Variants in AGBL1 observed in about 807,000 individuals in gnomAD.
The protein encoded by AGBL1 is AGBL carboxypeptidase 1, also known as cytosolic carboxypeptidase 4.
AGBL1 carries 130 observed loss-of-function variants against 118.9 expected under a neutral mutation model. That is an observed-to-expected ratio of 1.09 (90% CI 0.95 to 1.26). AGBL1 has a LOEUF of 1.26. Among genes scored for constraint, AGBL1 ranks in the 50% most tolerant of loss-of-function variants. AGBL1 has a pLI of 0.00. For missense variants in AGBL1, 1,584 were observed against 1,298.1 expected, an observed-to-expected ratio of 1.22 and a Z score of -3.38; for synonymous variants, 555 against 478.9, an observed-to-expected ratio of 1.16 and a Z score of -2.08.
intron 5 of AGBL1, among the ~76,000 whole-genome samples, chr15:86,189,295 G>C (rs904467885): frequency 1.3e-5 from 2 of 152,172 alleles, no homozygotes; most frequent in African/African-American, 4.8e-5. Context: ...GGCCCAAGCT[G>C]GTCTGTGGTA....
At chr15:86,527,264 A>G (rs551443513) in intron 19 of AGBL1, among the ~76,000 whole-genome samples, 1 of 152,260 alleles carries the variant, frequency 6.6e-6, no homozygotes, top group South Asian at 2.1e-4. Flanking sequence ...CACACATTCA[A>G]TCCACAACAA....
At chr15:86,422,228 G>A (rs1319585190) in intron 18 of AGBL1, among the ~76,000 whole-genome samples, 2 of 152,022 alleles carry the variant, frequency 1.3e-5, no homozygotes, top group Non-Finnish European at 2.9e-5. Flanking sequence ...GCAAAAGAAT[G>A]GAAATCATAA....
intron 21 of AGBL1, among the ~76,000 whole-genome samples, chr15:86,589,078 A>C (rs1189185292): frequency 5.3e-5 from 8 of 151,940 alleles, no homozygotes; most frequent in African/African-American, 1.9e-4. Context: ...ATTTTTTTTA[A>C]ATATGAATAA....
At chr15:86,825,423 A>AAAAAAAAT (rs2078994510) in intron 22 of AGBL1, among the ~76,000 whole-genome samples, 1 of 129,072 alleles carries the variant, frequency 7.7e-6, no homozygotes, top group Non-Finnish European at 1.7e-5. Flanking sequence ...AAAAAAAAAA[A>AAAAAAAAT]GGTTGCAAGC....
intron 22 of AGBL1, among the ~76,000 whole-genome samples, chr15:86,803,842 T>C (rs963963264): frequency 1.3e-5 from 2 of 152,114 alleles, no homozygotes; most frequent in Non-Finnish European, 2.9e-5. Context: ...GGAGGATGCT[T>C]CTGGTATCTG....
chr15:86,091,852 A>G (rs1052884855), intron 1 of AGBL1, among the ~76,000 whole-genome samples: 33 of 152,078 alleles, frequency 2.2e-4, no homozygotes, highest in African/African-American at 8.0e-4. Context: ...CCATATCCCA[A>G]CTTGGTCTTG....
intron 18 of AGBL1, among the ~76,000 whole-genome samples, chr15:86,447,564 G>T (rs2082137290): frequency 6.6e-6 from 1 of 152,144 alleles, no homozygotes; most frequent in Non-Finnish European, 1.5e-5. Context: ...GTCAAGATGA[G>T]GTGTGTTTTA....
At chr15:86,447,830 A>T (rs149650365) in intron 18 of AGBL1, among the ~76,000 whole-genome samples, 1 of 152,142 alleles carries the variant, frequency 6.6e-6, no homozygotes, top group Non-Finnish European at 1.5e-5. Context: ...AAAAGAACTA[A>T]TAATATAAGG....
intron 21 of AGBL1, among the ~76,000 whole-genome samples, chr15:86,669,987 A>G (rs1409180380): frequency 6.6e-6 from 1 of 152,156 alleles, no homozygotes; most frequent in Non-Finnish European, 1.5e-5. Context: ...TGGTTGTTAT[A>G]ATTATCATTT....
At chr15:87,024,332 T>TACAAC (rs2081701999) in intron 24 of AGBL1, among the ~76,000 whole-genome samples, 1 of 151,870 alleles carries the variant, frequency 6.6e-6, no homozygotes, top group Non-Finnish European at 1.5e-5. Flanking sequence ...AAAAGATCAT[T>TACAAC]TAAGGCTACT....
chr15:86,296,387 C>G (rs140129007), intron 17 of AGBL1: 212 of 152,302 alleles, frequency 1.4e-3, no homozygotes, highest in African/African-American at 5.0e-3. Flanking sequence ...GAAGATACAG[C>G]CTTCTCTGAG....
chr15:87,030,801 C>T (rs564862190), downstream of AGBL1, among the ~76,000 whole-genome samples: 3 of 152,026 alleles, frequency 2.0e-5, no homozygotes, highest in South Asian at 2.1e-4. Flanking sequence ...TTCCTTCACT[C>T]GGTCTATTTT....
At chr15:86,136,528 G>C (rs2076891440) in intron 1 of AGBL1, among the ~76,000 whole-genome samples, 1 of 152,104 alleles carries the variant, frequency 6.6e-6, no homozygotes, top group Admixed American at 6.6e-5. Flanking sequence ...GGTTAGCTGG[G>C]AAAACCATAA....
At chr15:86,136,039 T>C (rs1478731647) in intron 1 of AGBL1, among the ~76,000 whole-genome samples, 1 of 152,226 alleles carries the variant, frequency 6.6e-6, no homozygotes, top group Non-Finnish European at 1.5e-5. Flanking sequence ...CTTCTAGCTA[T>C]ACCTGTCAAG....
At chr15:86,411,601 G>A (rs74025117) in intron 18 of AGBL1, among the ~76,000 whole-genome samples, 4,665 of 152,010 alleles carry the variant, frequency 0.031, 235 homozygotes, top group African/African-American at 0.11. Flanking sequence ...CTTCCTTCTT[G>A]CAAACATGCT....
downstream of AGBL1, among the ~76,000 whole-genome samples, chr15:86,919,094 T>C (rs1470064377): frequency 2.0e-5 from 3 of 152,218 alleles, no homozygotes; most frequent in Non-Finnish European, 4.4e-5. Context: ...ACCACATCAA[T>C]ATCAGCTAGT....
rs548439031 is a variant in AGBL1 at position 86,912,977 on chromosome 15, A to G, written c.*5683A>G. The G allele has an allele frequency of 1.3e-5, 2 of 152,126 alleles. No homozygotes were observed. The highest frequency in any genetic ancestry group is 2.9e-5 in the Non-Finnish European group (2 of 68,028). The allele number at this position is 152,126 out of a possible 1,614,324, so 9.4% of individuals were successfully genotyped here. ...AGATGTCCTCTTTTGTTTGTGTTGC[A>G]GTTTGGTTCATGCTACCAATGCTTG... is the stretch of plus-strand genomic sequence containing the variant. On this transcript the variant is annotated 3_prime_UTR_variant, in exon 23 of 23. Transcript: ENST00000614907.
At chr15:86,761,604 A>T (rs536995433) in intron 22 of AGBL1, among the ~76,000 whole-genome samples, 3 of 152,058 alleles carry the variant, frequency 2.0e-5, no homozygotes, top group Non-Finnish European at 4.4e-5. Flanking sequence ...TGATATCTCA[A>T]CTGCAATGAA....
In AGBL1 at chr15:86,583,620, G is replaced by A. The variant is rs149650077; in HGVS notation, c.2994+29083G>A. Among the ~76,000 whole-genome samples, 177 of 152,210 alleles carry A rather than the reference G, an allele frequency of 1.2e-3. 2 individuals are homozygous for A. In the East Asian group the frequency reaches 0.029, roughly 25 times the overall value. On this transcript the variant is annotated intron_variant, in intron 21 of 22. Transcript: ENST00000614907. Reference sequence around the variant, plus strand: ...GTTGATTCCATATCTTTTCTATTGTGAATCGTGCTACAGTGAATGTGCAAC... The same window carrying A: ...GTTGATTCCATATCTTTTCTATTGTAAATCGTGCTACAGTGAATGTGCAAC...
Sources: gnomAD v4.1 joint callset for allele counts (sites outside exome capture counted in the v4.1 genomes callset) on GRCh38, gnomAD v4.1.1 for gene constraint, MANE v1.5 for transcripts, NCBI Gene and HGNC (gene_info 2026-07-23, HGNC 2026-07-21) for gene names.